Variants in CDH4 observed in about 807,000 individuals in gnomAD.
CDH4 encodes the protein cadherin-4.
Under a neutral mutation model 86.0 loss-of-function variants are expected in CDH4, and 33 were observed. The ratio of observed to expected loss-of-function variants is 0.38; its 90% confidence interval spans 0.29 to 0.51. The LOEUF (loss-of-function observed/expected upper bound fraction) is 0.51, where lower values mean the gene tolerates loss of function less well. CDH4 is among the 20% of genes least tolerant of loss of function. The pLI, the probability that CDH4 is intolerant of heterozygous loss-of-function variation, is 0.86. For missense variants in CDH4, 1,114 were observed against 1,307.4 expected (o/e 0.85, Z 2.28); for synonymous variants, 555 against 549.4 (o/e 1.01, Z -0.14).
rs542140626 is a variant in CDH4, at chr20:61,651,090, G to C, written c.170-92473G>C. ...TAGCGCCGTGCTTGGCCGTGCACTG[G>C]TGTGCTCGTGTCAGTGAGTTAGCAC... On this transcript the variant is annotated intron_variant, in intron 2 of 15. Coordinates refer to ENST00000614565, the MANE Select transcript of CDH4 (RefSeq NM_001794.5). Among the ~76,000 whole-genome samples the C allele has an allele frequency of 7.9e-5, 12 of 152,248 alleles. 1 individual carries two copies. Among genetic ancestry groups the C allele is most frequent in the African/African-American group, 2.9e-4 (12 of 41,542 alleles).
chr20:61,932,842 G>C, intron 13 of CDH4, 143 bp from the exon 14 acceptor site: 1 of 1,089,762 alleles, frequency 9.2e-7, no homozygotes, highest in South Asian at 1.5e-5. Context: ...CGCGTGTGCA[G>C]TACAGGTGTG....
intron 2 of CDH4, among the ~76,000 whole-genome samples, chr20:61,704,972 C>T (rs1002815100): frequency 1.3e-5 from 2 of 152,186 alleles, no homozygotes; most frequent in Non-Finnish European, 2.9e-5. Flanking sequence ...ATAGTCCAAC[C>T]AAAGGACCCG....
intron 7 of CDH4, among the ~76,000 whole-genome samples, chr20:61,886,751 C>A (rs1984559794): frequency 6.6e-6 from 1 of 152,216 alleles, no homozygotes; most frequent in Non-Finnish European, 1.5e-5. Flanking sequence ...TCAGGGAAGT[C>A]CCAGGCCTTC....
chr20:61,933,711 G>C (rs932794305), intron 14 of CDH4, among the ~76,000 whole-genome samples: 1 of 150,396 alleles, frequency 6.6e-6, no homozygotes, highest in Admixed American at 6.6e-5. Flanking sequence ...CATAACGAAT[G>C]TGAGGCATGT....
chr20:61,731,522 G>A (rs987014838), intron 2 of CDH4, among the ~76,000 whole-genome samples: 4 of 152,188 alleles, frequency 2.6e-5, no homozygotes, highest in Non-Finnish European at 4.4e-5. Context: ...CCCCCCAGGT[G>A]GGGTGAAGCA....
chr20:61,403,831 T>C (rs1372242605), intron 2 of CDH4, among the ~76,000 whole-genome samples: 1 of 152,174 alleles, frequency 6.6e-6, no homozygotes, highest in Non-Finnish European at 1.5e-5. Flanking sequence ...AATCAACATC[T>C]TTAACATGGA....
intron 8 of CDH4, among the ~76,000 whole-genome samples, chr20:61,898,287 A>G (rs939623694): frequency 6.6e-5 from 10 of 152,244 alleles, no homozygotes; most frequent in Non-Finnish European, 1.0e-4. Flanking sequence ...GGGGATTTGC[A>G]TGATCCGATT....
intron 2 of CDH4, among the ~76,000 whole-genome samples, chr20:61,523,236 C>T (rs2085885761): frequency 6.6e-6 from 1 of 152,234 alleles, no homozygotes; most frequent in Admixed American, 6.5e-5. Context: ...CATCAGGAGG[C>T]CTCATCTCAG....
intron 4 of CDH4, among the ~76,000 whole-genome samples, chr20:61,817,604 CT>C (rs2146058432): frequency 6.6e-6 from 1 of 152,184 alleles, no homozygotes; most frequent in South Asian, 2.1e-4. Flanking sequence ...ACTTTGTCAC[CT>C]TCCCACGTGT....
intron 2 of CDH4, among the ~76,000 whole-genome samples, chr20:61,344,579 G>A (rs977505160): frequency 2.6e-5 from 4 of 152,138 alleles, no homozygotes; most frequent in African/African-American, 9.7e-5. Flanking sequence ...TCTCAGTGAT[G>A]AGATAGCCAG....
intron 2 of CDH4, among the ~76,000 whole-genome samples, chr20:61,405,832 C>T (rs994109977): frequency 6.6e-6 from 1 of 152,112 alleles, no homozygotes; most frequent in African/African-American, 2.4e-5. Flanking sequence ...AGGCGCCCGC[C>T]ATCACGCCCA....
At chr20:61,407,598 A>G (rs997790754) in intron 2 of CDH4, among the ~76,000 whole-genome samples, 1 of 152,364 alleles carries the variant, frequency 6.6e-6, no homozygotes, top group Non-Finnish European at 1.5e-5. Context: ...TCCAGAAATT[A>G]TACTCAACTG....
intron 12 of CDH4, among the ~76,000 whole-genome samples, 181 bp downstream of exon 12, chr20:61,928,604 T>G (rs898458497): frequency 6.6e-6 from 1 of 152,214 alleles, no homozygotes; most frequent in African/African-American, 2.4e-5. Flanking sequence ...CACCTGGCCT[T>G]GAGGAGGCCA....
chr20:61,759,406 G>C (rs947102006), intron 3 of CDH4, among the ~76,000 whole-genome samples: 1 of 152,202 alleles, frequency 6.6e-6, no homozygotes, highest in Non-Finnish European at 1.5e-5. Context: ...CCACATGGTG[G>C]ACGACAGATC....
chr20:61,355,010 C>T (rs921022545), intron 2 of CDH4, among the ~76,000 whole-genome samples: 8 of 151,788 alleles, frequency 5.3e-5, no homozygotes, highest in Non-Finnish European at 7.4e-5. Flanking sequence ...AAAGCAAAGC[C>T]GATGTAATTC....
intron 4 of CDH4, among the ~76,000 whole-genome samples, chr20:61,834,334 C>T (rs1981769440): frequency 6.6e-6 from 1 of 152,220 alleles, no homozygotes; most frequent in Non-Finnish European, 1.5e-5. Context: ...GGTCTGGGGT[C>T]TGGCCTCCAT....
At chr20:61,621,361 A>G (rs1490043950) in intron 2 of CDH4, among the ~76,000 whole-genome samples, 2 of 152,232 alleles carry the variant, frequency 1.3e-5, no homozygotes, top group East Asian at 1.9e-4. Context: ...CATGCCTCGG[A>G]TGAAAGTTCA....
At chr20:61,837,770 G>A (rs1045831815) in intron 4 of CDH4, among the ~76,000 whole-genome samples, 3 of 150,234 alleles carry the variant, frequency 2.0e-5, no homozygotes, top group Non-Finnish European at 4.4e-5. Context: ...CACCCCCCCC[G>A]TGGGTCTGTC....
chr20:61,482,776 G>A (rs1225215507), intron 2 of CDH4, among the ~76,000 whole-genome samples: 1 of 152,192 alleles, frequency 6.6e-6, no homozygotes, highest in African/African-American at 2.4e-5. Context: ...GTTGTTGATG[G>A]AATGACACTA....
Sources: gnomAD v4.1 joint callset for allele counts (sites outside exome capture counted in the v4.1 genomes callset) on GRCh38, gnomAD v4.1.1 for gene constraint, MANE v1.5 for transcripts, NCBI Gene and HGNC (gene_info 2026-07-23, HGNC 2026-07-21) for gene names.